The following SLC24A3 variants were observed in gnomAD, a reference collection of about 807,000 sequenced individuals.
The protein encoded by SLC24A3 is solute carrier family 24 member 3, also known as sodium/potassium/calcium exchanger 3.
In SLC24A3, 28 loss-of-function variants were observed where a neutral mutation model predicts 75.8. That is an observed-to-expected ratio of 0.37 (90% confidence interval 0.27 to 0.51). The LOEUF is 0.51. Among genes scored for constraint, SLC24A3 ranks in the 20% least tolerant of loss-of-function variants. SLC24A3 has a pLI of 0.94. For missense variants in SLC24A3, 663 were observed against 847.8 expected (o/e 0.78, Z 2.71); for synonymous variants, 372 against 334.1 (o/e 1.11, Z -1.24).
intron 2 of SLC24A3, among the ~76,000 whole-genome samples, chr20:19,454,556 C>G (rs1987546584): frequency 6.6e-6 from 1 of 152,142 alleles, no homozygotes; most frequent in African/African-American, 2.4e-5. Context: ...TCTATAATGC[C>G]ATGTCTGAAC....
intron 3 of SLC24A3, among the ~76,000 whole-genome samples, chr20:19,522,624 G>T (rs1174239221): frequency 2.0e-5 from 3 of 152,154 alleles, no homozygotes; most frequent in Non-Finnish European, 2.9e-5. Context: ...AGCTGTGCTT[G>T]CCAACCCCAT....
chr20:19,333,770 A>T (rs1407155544), intron 2 of SLC24A3, among the ~76,000 whole-genome samples: 1 of 152,088 alleles, frequency 6.6e-6, no homozygotes, highest in Non-Finnish European at 1.5e-5. Flanking sequence ...GAGCGACATT[A>T]GTATAACGAT....
intron 3 of SLC24A3, among the ~76,000 whole-genome samples, chr20:19,546,247 G>A (rs976522560): frequency 6.7e-6 from 1 of 149,042 alleles, no homozygotes; most frequent in African/African-American, 2.5e-5. Context: ...GGATGTGGCT[G>A]AAAGGAGTAT....
Position 19,444,334 on chromosome 20 carries a change from T to C in SLC24A3, c.272-71154T>C, listed in dbSNP as rs142959570. Among the ~76,000 whole-genome samples, 19 of 152,342 alleles carry C rather than the reference T, an allele frequency of 1.2e-4. No homozygotes were observed. The East Asian group carries it at 3.7e-3, about 29-fold the overall frequency. On this transcript the variant is annotated intron_variant, in intron 2 of 16. Transcript: ENST00000328041. ...TATCTGGTTTGGTACTGGAGTAATG[T>C]TGGCCTTAGAGAATGGGTTAGGAAG...
At chr20:19,479,927 C>T (rs944101231) in intron 2 of SLC24A3, among the ~76,000 whole-genome samples, 2 of 152,228 alleles carry the variant, frequency 1.3e-5, no homozygotes, top group Non-Finnish European at 2.9e-5. Flanking sequence ...GCCTTGGCCT[C>T]AATACCCGCT....
chr20:19,286,415 A>G (rs943048880), intron 2 of SLC24A3, among the ~76,000 whole-genome samples: 1 of 152,182 alleles, frequency 6.6e-6, no homozygotes, highest in African/African-American at 2.4e-5. Flanking sequence ...GGCCATGAAC[A>G]GTGTCAGGAT....
intron 3 of SLC24A3, among the ~76,000 whole-genome samples, chr20:19,550,992 G>T (rs2030685044): frequency 6.6e-6 from 1 of 152,238 alleles, no homozygotes; most frequent in South Asian, 2.1e-4. Flanking sequence ...CATGGACTCT[G>T]CATCTTTAGC....
chr20:19,523,826 C>T (rs1001049702), intron 3 of SLC24A3, among the ~76,000 whole-genome samples: 2 of 152,262 alleles, frequency 1.3e-5, no homozygotes, highest in South Asian at 2.1e-4. Context: ...ACTGAATAGA[C>T]GATACCTTAC....
intron 3 of SLC24A3, among the ~76,000 whole-genome samples, chr20:19,558,269 T>G (rs1464557725): frequency 6.6e-6 from 1 of 152,100 alleles, no homozygotes; most frequent in Non-Finnish European, 1.5e-5. Flanking sequence ...TGAGACAGAG[T>G]CTCGCTCTGT....
At chr20:19,543,566 C>A (rs538125736) in intron 3 of SLC24A3, among the ~76,000 whole-genome samples, 35 of 152,254 alleles carry the variant, frequency 2.3e-4, no homozygotes, top group African/African-American at 7.7e-4. Flanking sequence ...GGAGGCCAAC[C>A]TGCGGTGCTG....
intron 4 of SLC24A3, among the ~76,000 whole-genome samples, chr20:19,582,159 T>A (rs1180750210): frequency 6.6e-6 from 1 of 152,370 alleles, no homozygotes; most frequent in East Asian, 1.9e-4. Flanking sequence ...GAATCAGTTC[T>A]CCCTGGAGTT....
chr20:19,406,960 A>T (rs1302853877), intron 2 of SLC24A3, among the ~76,000 whole-genome samples: 1 of 152,234 alleles, frequency 6.6e-6, no homozygotes, highest in East Asian at 1.9e-4. Flanking sequence ...TGGTGCTGCC[A>T]GGTGTCTGTG....
At chr20:19,302,469 A>T (rs1186351941) in intron 2 of SLC24A3, among the ~76,000 whole-genome samples, 4 of 152,242 alleles carry the variant, frequency 2.6e-5, no homozygotes, top group African/African-American at 9.6e-5. Flanking sequence ...TTATTTGCCA[A>T]ATTAATAAAT....
chr20:19,337,374 G>A (rs1181637595), intron 2 of SLC24A3, among the ~76,000 whole-genome samples: 1 of 152,190 alleles, frequency 6.6e-6, no homozygotes, highest in Non-Finnish European at 1.5e-5. Context: ...AACCTGGGAG[G>A]TGGAGGTTGC....
intron 6 of SLC24A3, among the ~76,000 whole-genome samples, chr20:19,629,797 A>T (rs1019916451): frequency 7.2e-5 from 11 of 152,246 alleles, no homozygotes; most frequent in African/African-American, 2.7e-4. Context: ...TACTGTGCAG[A>T]AAAACTGCCA....
chr20:19,374,215 C>T (rs767196144), intron 2 of SLC24A3, among the ~76,000 whole-genome samples: 4 of 152,272 alleles, frequency 2.6e-5, no homozygotes, highest in Non-Finnish European at 4.4e-5. Flanking sequence ...TTACCTGACC[C>T]TTAGATATAA....
At chr20:19,340,235 A>G (rs771998985) in intron 2 of SLC24A3, among the ~76,000 whole-genome samples, 2 of 152,222 alleles carry the variant, frequency 1.3e-5, no homozygotes, top group African/African-American at 2.4e-5. Context: ...AAAAGGGGAC[A>G]TATGAACACA....
chr20:19,404,625 G>A (rs1287428900), intron 2 of SLC24A3, among the ~76,000 whole-genome samples: 1 of 152,196 alleles, frequency 6.6e-6, no homozygotes, highest in East Asian at 1.9e-4. Context: ...ATCCAGTTCA[G>A]TGCATTCTTC....
intron 2 of SLC24A3, among the ~76,000 whole-genome samples, chr20:19,419,925 C>A (rs1378474155): frequency 7.7e-6 from 1 of 129,050 alleles, no homozygotes; most frequent in East Asian, 2.4e-4. Context: ...TGCGCTGCAC[C>A]CACTAACGTG....
Sources: allele counts gnomAD v4.1 joint callset (sites outside exome capture counted in the v4.1 genomes callset), GRCh38; gene constraint gnomAD v4.1.1; transcripts MANE v1.5; gene names NCBI Gene and HGNC (gene_info 2026-07-23, HGNC 2026-07-21).